Variants in RBFOX1 observed in about 807,000 individuals in gnomAD.
The protein encoded by RBFOX1 is RNA binding fox-1 homolog 1, also known as RNA binding protein fox-1 homolog 1.
Under a neutral mutation model 57.7 loss-of-function variants are expected in RBFOX1, and 8 were observed. That is an observed-to-expected ratio of 0.14 (90% CI 0.08 to 0.25). RBFOX1 has a LOEUF of 0.25. Among genes scored for constraint, RBFOX1 ranks in the 10% least tolerant of loss-of-function variants. The pLI is 1.00. For missense variants in RBFOX1, 611 were observed against 548.5 expected (o/e 1.11, Z -1.14); for synonymous variants, 326 against 222.4 (o/e 1.47, Z -4.15).
At chr16:5,326,051 C>G (rs1459185101) in intron 1 of RBFOX1, among the ~76,000 whole-genome samples, 1 of 152,174 alleles carries the variant, frequency 6.6e-6, no homozygotes, top group Non-Finnish European at 1.5e-5. Flanking sequence ...AGTTTGGCAT[C>G]AGAGTTTTTA....
chr16:6,915,845 C>A (rs1256239787), intron 3 of RBFOX1, among the ~76,000 whole-genome samples: 2 of 152,136 alleles, frequency 1.3e-5, no homozygotes, highest in African/African-American at 2.4e-5. Flanking sequence ...AGCCGCTATG[C>A]CCAGCCTTCA....
At chr16:7,535,015 C>T (rs1210364168) in intron 5 of RBFOX1, among the ~76,000 whole-genome samples, 5 of 152,156 alleles carry the variant, frequency 3.3e-5, no homozygotes, top group Non-Finnish European at 5.9e-5. Context: ...CCAAGTCAGG[C>T]TAAGTGGACC....
At chr16:7,575,245 C>T (rs902932264) in intron 5 of RBFOX1, among the ~76,000 whole-genome samples, 1 of 152,060 alleles carries the variant, frequency 6.6e-6, no homozygotes, top group African/African-American at 2.4e-5. Context: ...AGCGATTCTC[C>T]TGCCTCACCC....
chr16:7,479,048 A>G (rs1173194219), intron 4 of RBFOX1, among the ~76,000 whole-genome samples: 1 of 151,960 alleles, frequency 6.6e-6, no homozygotes, highest in African/African-American at 2.4e-5. Context: ...ATCCACAAAC[A>G]GGAAAGTGGA....
At chr16:7,453,023 G>A (rs947099489) in intron 4 of RBFOX1, among the ~76,000 whole-genome samples, 2 of 151,940 alleles carry the variant, frequency 1.3e-5, no homozygotes, top group Admixed American at 1.3e-4. Flanking sequence ...CAGCTACTAG[G>A]GGGGCTGAGG....
chr16:5,814,491 C>G (rs567016575), intron 3 of RBFOX1, among the ~76,000 whole-genome samples: 1 of 152,186 alleles, frequency 6.6e-6, no homozygotes, highest in East Asian at 1.9e-4. Flanking sequence ...TTGAATCTTC[C>G]CCAGAATTCC....
rs560018566 is a variant in RBFOX1, at chr16:6,173,023, A to T, written c.-126-143972A>T. Reference sequence around the variant, plus strand: ...CCAGGGATGTAGCCCTTCTCCATGCATTTCTTTGATAGTAACAGCAAGAAA... The same window carrying T: ...CCAGGGATGTAGCCCTTCTCCATGCTTTTCTTTGATAGTAACAGCAAGAAA... On this transcript the variant is annotated intron_variant, in intron 1 of 15. Coordinates refer to ENST00000550418, the MANE Select transcript of RBFOX1 (RefSeq NM_018723.4). Among the ~76,000 whole-genome samples the T allele has an allele frequency of 5.3e-5, 8 of 152,230 alleles. No homozygotes were observed. The South Asian group carries it at 1.7e-3, about 32-fold the overall frequency.
intron 3 of RBFOX1, among the ~76,000 whole-genome samples, chr16:6,921,698 G>A (rs2074491113): frequency 6.6e-6 from 1 of 151,036 alleles, no homozygotes; most frequent in East Asian, 1.9e-4. Flanking sequence ...GGCAGGCAGA[G>A]GTGATGGAAA....
chr16:7,280,920 G>C (rs890606260), intron 4 of RBFOX1, among the ~76,000 whole-genome samples: 7 of 150,232 alleles, frequency 4.7e-5, no homozygotes, highest in African/African-American at 1.7e-4. Context: ...AGCTACTCTG[G>C]GCCTCTTGAA....
chr16:6,224,623 C>T (rs952793304), intron 1 of RBFOX1, among the ~76,000 whole-genome samples: 4 of 152,148 alleles, frequency 2.6e-5, no homozygotes, highest in African/African-American at 9.7e-5. Flanking sequence ...CGTATTTCTG[C>T]TTCATATGTA....
chr16:6,699,778 G>A (rs1158247801), intron 3 of RBFOX1, among the ~76,000 whole-genome samples: 2 of 152,140 alleles, frequency 1.3e-5, no homozygotes, highest in East Asian at 1.9e-4. Flanking sequence ...GAGGCATAAG[G>A]ACATGAACAC....
At chr16:7,521,294 A>T (rs2077465445) in intron 5 of RBFOX1, among the ~76,000 whole-genome samples, 1 of 152,180 alleles carries the variant, frequency 6.6e-6, no homozygotes, top group South Asian at 2.1e-4. Context: ...ATGAACCGGG[A>T]GGAATTAGCA....
chr16:5,949,520 C>T (rs1247481869), intron 4 of RBFOX1, among the ~76,000 whole-genome samples: 1 of 88,468 alleles, frequency 1.1e-5, no homozygotes, highest in East Asian at 3.1e-4. Context: ...TGCGAGAGTC[C>T]ATCTCAAAAA....
chr16:7,042,600 T>G (rs2153709614), intron 3 of RBFOX1, among the ~76,000 whole-genome samples: 2 of 152,378 alleles, frequency 1.3e-5, no homozygotes, highest in South Asian at 4.1e-4. Context: ...GGATACATTT[T>G]AACGAATGTT....
chr16:7,107,087 A>T (rs1176215755), intron 4 of RBFOX1, among the ~76,000 whole-genome samples: 1 of 152,136 alleles, frequency 6.6e-6, no homozygotes, highest in African/African-American at 2.4e-5. Context: ...ACTGATATTT[A>T]AGCCTGTTTC....
intron 3 of RBFOX1, among the ~76,000 whole-genome samples, chr16:6,721,378 G>C (rs2065960914): frequency 1.3e-5 from 2 of 152,308 alleles, no homozygotes; most frequent in South Asian, 4.1e-4. Flanking sequence ...GGGAGGCGGA[G>C]GTTACAGTGA....
chr16:7,691,879 A>G (rs1057163354), intron 14 of RBFOX1, among the ~76,000 whole-genome samples: 1 of 152,180 alleles, frequency 6.6e-6, no homozygotes, highest in Non-Finnish European at 1.5e-5. Flanking sequence ...TCATGTCGCC[A>G]TTCTTGCTTA....
chr16:5,919,598 C>A (rs1597792841), intron 4 of RBFOX1, among the ~76,000 whole-genome samples: 1 of 152,128 alleles, frequency 6.6e-6, no homozygotes, highest in Non-Finnish European at 1.5e-5. Flanking sequence ...CATGCCTCGG[C>A]CTCCCAAAGT....
intron 14 of RBFOX1, among the ~76,000 whole-genome samples, chr16:7,699,569 C>T (rs868483379): frequency 1.3e-4 from 20 of 152,004 alleles, no homozygotes; most frequent in African/African-American, 4.8e-4. Context: ...GCTGTGGAGC[C>T]CTTGAGATGT....
Sources: allele counts gnomAD v4.1 joint callset (sites outside exome capture counted in the v4.1 genomes callset), GRCh38; gene constraint gnomAD v4.1.1; transcripts MANE v1.5; gene names NCBI Gene and HGNC (gene_info 2026-07-23, HGNC 2026-07-21).